The following CRACD variants were observed in gnomAD, a reference collection of about 807,000 sequenced individuals.
The protein encoded by CRACD is capping protein inhibiting regulator of actin dynamics.
CRACD carries 56 observed loss-of-function variants against 106.8 expected under a neutral mutation model. The observed-to-expected ratio is 0.52, with a 90% CI of 0.42 to 0.66. The LOEUF is 0.66. Ranked by LOEUF, CRACD falls within the 30% of genes least tolerant of loss-of-function variation. CRACD has a pLI of 0.00. For missense variants in CRACD, 1,730 were observed against 1,623.2 expected (o/e 1.07, Z -1.13); for synonymous variants, 754 against 670.8 (o/e 1.12, Z -1.92).
chr4:56,306,524 CA>C (rs759743271), intron 4 of CRACD, among the ~76,000 whole-genome samples: 32 of 151,980 alleles, frequency 2.1e-4, no homozygotes, highest in Non-Finnish European at 3.4e-4. Flanking sequence ...AACAAACAAA[CA>C]AACAAACAAA....
chr4:56,065,641 T>G (rs1560440492), intron 1 of CRACD, among the ~76,000 whole-genome samples: 3 of 152,194 alleles, frequency 2.0e-5, no homozygotes, highest in African/African-American at 2.4e-5. Flanking sequence ...AGCTGGTTTT[T>G]TTGTTGTTGT....
At chr4:56,094,915 A>C (rs1468750530) in intron 1 of CRACD, among the ~76,000 whole-genome samples, 2 of 152,182 alleles carry the variant, frequency 1.3e-5, no homozygotes, top group Non-Finnish European at 2.9e-5. Context: ...AACAATTGCT[A>C]ATTTTTGCAA....
At chr4:56,220,201 C>G (rs1017717876) in intron 2 of CRACD, among the ~76,000 whole-genome samples, 1 of 152,178 alleles carries the variant, frequency 6.6e-6, no homozygotes, top group African/African-American at 2.4e-5. Context: ...CAGCCAAATT[C>G]TTACTTTCAC....
intron 1 of CRACD, among the ~76,000 whole-genome samples, chr4:56,102,315 T>C (rs1012941044): frequency 3.9e-5 from 6 of 152,236 alleles, no homozygotes; most frequent in African/African-American, 1.4e-4. Flanking sequence ...TCATGTTTAT[T>C]AACTACTTGG....
rs538104163 is a variant in CRACD, at chr4:56,058,968, T to C, written c.-336+9669T>C. 3.3e-5 allele frequency among the ~76,000 whole-genome samples: 5 copies of C among 152,254 alleles called. No individual in the cohort carries two copies. In the South Asian group the frequency reaches 8.3e-4, roughly 25 times the overall value. On this transcript the variant is annotated intron_variant, in intron 1 of 10. Coordinates refer to ENST00000682029, the MANE Select transcript of CRACD (RefSeq NM_001393381.1). ...GAAGGGCCACTGTGCATTGTGAAGG[T>C]TGGAGGAATGTTGGTTTATAAAAAT...
intron 3 of CRACD, among the ~76,000 whole-genome samples, chr4:56,293,896 C>T (rs1185759414): frequency 1.3e-5 from 2 of 150,618 alleles, no homozygotes; most frequent in African/African-American, 2.4e-5. Flanking sequence ...TTCAAAGATG[C>T]AGTAATACAA....
intron 2 of CRACD, among the ~76,000 whole-genome samples, chr4:56,196,685 T>C (rs896928707): frequency 2.6e-5 from 4 of 152,184 alleles, no homozygotes; most frequent in African/African-American, 7.2e-5. Flanking sequence ...GTCTTTACTA[T>C]AATTCTATCA....
In CRACD at chr4:56,314,542, A is replaced by C. The variant is rs1251676004; in HGVS notation, c.1040A>C (p.Gln347Pro). 8 of 1,503,064 alleles carry C rather than the reference A, an allele frequency of 5.3e-6. No individual in the cohort carries two copies. The allele number at this position is 1,503,064 out of a possible 1,614,324, so 93.1% of individuals were successfully genotyped here. The change falls in exon 8 of 11, where the codon CAG becomes CCG. Residue 347 changes from glutamine (Q) to proline (P), a missense_variant. Gln to Pro is a moderately conservative substitution (Grantham distance 76). Coordinates refer to ENST00000682029, the MANE Select transcript of CRACD (RefSeq NM_001393381.1). The surrounding 1 kb of genome is among the most constrained non-coding windows in gnomAD (Gnocchi z 4.4). The part of the protein sequence containing the change: ...EDARLEERRR[Q>P]EEEEGRCAEE... Reference sequence around the variant, plus strand: ...GCCAGGCTGGAGGAGCGGAGGCGGCAGGAGGAGGAGGAAGGAAGATGCGCG... The same window carrying C: ...GCCAGGCTGGAGGAGCGGAGGCGGCCGGAGGAGGAGGAAGGAAGATGCGCG...
intron 1 of CRACD, among the ~76,000 whole-genome samples, chr4:56,129,170 G>A (rs1734747005): frequency 6.6e-6 from 1 of 152,084 alleles, no homozygotes; most frequent in African/African-American, 2.4e-5. Context: ...CAACCTCCTG[G>A]GCTCAAGCAA....
intron 10 of CRACD, among the ~76,000 whole-genome samples, chr4:56,325,084 C>A (rs986811818): frequency 6.6e-6 from 1 of 152,152 alleles, no homozygotes; most frequent in Non-Finnish European, 1.5e-5. Flanking sequence ...CCTGTAATCC[C>A]AGCACTTTGG....
chr4:56,150,069 C>A (rs939052883), intron 1 of CRACD, among the ~76,000 whole-genome samples: 1 of 152,124 alleles, frequency 6.6e-6, no homozygotes, highest in Non-Finnish European at 1.5e-5. Flanking sequence ...ACAGAGAAAA[C>A]CCTCAAGAAG....
At chr4:56,214,492 C>T (rs374969177) in intron 2 of CRACD, among the ~76,000 whole-genome samples, 4 of 151,368 alleles carry the variant, frequency 2.6e-5, no homozygotes, top group East Asian at 3.9e-4. Context: ...CTTGGGAAGC[C>T]GCGGCAGGAG....
chr4:56,254,070 C>G (rs1243574491), intron 2 of CRACD, among the ~76,000 whole-genome samples: 1 of 151,826 alleles, frequency 6.6e-6, no homozygotes, highest in Non-Finnish European at 1.5e-5. Context: ...TTCTGCAGAA[C>G]ATGTAGCAAT....
At chr4:56,105,855 A>T (rs1489906556) in intron 1 of CRACD, among the ~76,000 whole-genome samples, 1 of 151,216 alleles carries the variant, frequency 6.6e-6, no homozygotes, top group Non-Finnish European at 1.5e-5. Context: ...CTGCAAATTC[A>T]TTCCTGTAAA....
chr4:56,284,473 C>G (rs906098953), intron 3 of CRACD, among the ~76,000 whole-genome samples: 4 of 152,004 alleles, frequency 2.6e-5, no homozygotes, highest in Non-Finnish European at 1.5e-5. Flanking sequence ...GCCTGTAATC[C>G]CAACACTTTG....
chr4:56,075,115 G>A (rs1474451206), intron 1 of CRACD, among the ~76,000 whole-genome samples: 2 of 152,140 alleles, frequency 1.3e-5, no homozygotes, highest in African/African-American at 4.8e-5. Context: ...TTTTCGCATT[G>A]ATGTTCATCA....
intron 5 of CRACD, among the ~76,000 whole-genome samples, chr4:56,310,018 C>CA (rs34745980): frequency 0.41 from 45,359 of 111,894 alleles, 8,284 homozygotes; most frequent in East Asian, 0.56. Context: ...GACCCTGTCT[C>CA]AAAAAAAAAA....
intron 1 of CRACD, among the ~76,000 whole-genome samples, chr4:56,141,364 G>A (rs1355338418): frequency 6.6e-6 from 1 of 152,150 alleles, no homozygotes; most frequent in Non-Finnish European, 1.5e-5. Context: ...AGTTACCTGT[G>A]ATCTAAGAGT....
intron 9 of CRACD, 27 bp downstream of exon 9, chr4:56,323,594 T>C: frequency 4.6e-6 from 7 of 1,509,226 alleles, no homozygotes; most frequent in Non-Finnish European, 6.2e-6. Flanking sequence ...TCAGCTGTGA[T>C]TTTGCTTTCC....
Sources: gnomAD v4.1 joint callset for allele counts (sites outside exome capture counted in the v4.1 genomes callset) on GRCh38, gnomAD v4.1.1 for gene constraint, Gnocchi (gnomAD v3.1) non-coding constraint, MANE v1.5 for transcripts, NCBI Gene and HGNC (gene_info 2026-07-23, HGNC 2026-07-21) for gene names.